GPR158: variants seen among roughly 807,000 people sequenced by gnomAD.
GPR158 encodes the protein metabotropic glycine receptor.
In GPR158, 30 loss-of-function variants were observed where a neutral mutation model predicts 78.2. The ratio of observed to expected loss-of-function variants is 0.38; its 90% CI spans 0.29 to 0.52. GPR158 has a LOEUF of 0.52. GPR158 is among the 20% of genes least tolerant of loss of function. The pLI, the probability that GPR158 is intolerant of heterozygous loss-of-function variation, is 0.83. For synonymous variants in GPR158, 581 were observed against 591.1 expected (o/e 0.98, Z 0.25); for missense variants, 1,463 against 1,523.5 (o/e 0.96, Z 0.66).
intron 4 of GPR158, among the ~76,000 whole-genome samples, chr10:25,446,574 C>A (rs1835141021): frequency 1.3e-5 from 2 of 152,134 alleles, no homozygotes; most frequent in Admixed American, 6.5e-5. Context: ...TTCAGAACTT[C>A]TTGTATTTTA....
Position 25,599,149 on chromosome 10 carries a change from G to T in GPR158, c.3523G>T (p.Glu1175Ter). The T allele has an allele frequency of 1.2e-6, 2 of 1,611,044 alleles. No homozygotes were observed. The highest frequency in any genetic ancestry group is 8.5e-7 in the Non-Finnish European group (1 of 1,179,974). Residue 1175 changes from glutamate to a stop codon, truncating the protein, a stop_gained, in exon 11 of 11, where the codon GAG becomes TAG. Coordinates refer to ENST00000376351, the MANE Select transcript of GPR158 (RefSeq NM_020752.3). LOFTEE classifies it high-confidence loss of function. ...LTSRAEVCPW[E>*]FETPAQPNAG... ...ATCACGAGCAGAGGTTTGTCCTTGG[G>T]AGTTTGAGACCCCAGCTCAACCAAA...
At chr10:25,381,384 T>G (rs1054133939) in intron 2 of GPR158, among the ~76,000 whole-genome samples, 2 of 152,154 alleles carry the variant, frequency 1.3e-5, no homozygotes, top group African/African-American at 4.8e-5. Flanking sequence ...TCAAGATGTT[T>G]GGGTAGTAAC....
intron 2 of GPR158, among the ~76,000 whole-genome samples, chr10:25,233,668 C>A (rs935463428): frequency 6.6e-6 from 1 of 152,170 alleles, no homozygotes; most frequent in African/African-American, 2.4e-5. Flanking sequence ...TCCTGGGACC[C>A]CTGGGGGTCC....
intron 5 of GPR158, among the ~76,000 whole-genome samples, chr10:25,487,807 C>T (rs1459702256): frequency 1.3e-5 from 2 of 152,078 alleles, no homozygotes; most frequent in Non-Finnish European, 2.9e-5. Flanking sequence ...TTTCTTCTGA[C>T]ACCTATGTAC....
intron 5 of GPR158, among the ~76,000 whole-genome samples, chr10:25,539,521 AT>A (rs35477926): frequency 0.013 from 1,887 of 141,390 alleles, 49 homozygotes; most frequent in African/African-American, 0.042. Flanking sequence ...ACCCCTTTTA[AT>A]TTTTTTTTTT....
intron 7 of GPR158, among the ~76,000 whole-genome samples, chr10:25,588,477 G>C (rs1418776284): frequency 6.6e-6 from 1 of 152,166 alleles, no homozygotes; most frequent in East Asian, 1.9e-4. Flanking sequence ...ACAAAACAAG[G>C]TTTTATTTAT....
intron 1 of GPR158, among the ~76,000 whole-genome samples, chr10:25,185,634 T>A (rs890511914): frequency 6.6e-6 from 1 of 152,114 alleles, no homozygotes; most frequent in Non-Finnish European, 1.5e-5. Flanking sequence ...CTATCCTGGC[T>A]AACAGGGTGA....
In GPR158 at chr10:25,572,684, G is replaced by A. The variant is rs1391900493; in HGVS notation, c.1550G>A (p.Arg517Gln). ...LKVFLSRTAQ[R>Q]IPYMTGGRVM... ...GTGTTTCTTTCACGAACGGCTCAAC[G>A]AATTCCATATATGACTGGCGGACGG... is the stretch of plus-strand genomic sequence containing the variant. Residue 517 changes from arginine (R) to glutamine (Q), a missense_variant, in exon 7 of 11, where the codon CGA (arginine) becomes CAA (glutamine). Coordinates refer to ENST00000376351, the MANE Select transcript of GPR158 (RefSeq NM_020752.3). 32 of 1,613,800 alleles carry A rather than the reference G, an allele frequency of 2.0e-5. No individual in the cohort carries two copies. Among genetic ancestry groups the A allele is most frequent in the Middle Eastern group, 1.6e-4 (1 of 6,084 alleles).
chr10:25,433,148 C>T (rs1380919572), intron 4 of GPR158, among the ~76,000 whole-genome samples: 3 of 152,184 alleles, frequency 2.0e-5, no homozygotes, highest in African/African-American at 7.2e-5. Context: ...GATTTATACT[C>T]AGGTCTGTTT....
At chr10:25,357,616 G>C (rs1242264074) in intron 2 of GPR158, among the ~76,000 whole-genome samples, 3 of 152,118 alleles carry the variant, frequency 2.0e-5, no homozygotes, top group Non-Finnish European at 4.4e-5. Context: ...ACGTGGTGTT[G>C]AGACTGTGGT....
At chr10:25,383,023 G>C (rs921991988) in intron 2 of GPR158, among the ~76,000 whole-genome samples, 1 of 151,926 alleles carries the variant, frequency 6.6e-6, no homozygotes, top group Non-Finnish European at 1.5e-5. Flanking sequence ...TTTTAGTAGA[G>C]ATGGGCTTTC....
chr10:25,187,414 C>T (rs1588724585), intron 1 of GPR158, among the ~76,000 whole-genome samples: 1 of 152,242 alleles, frequency 6.6e-6, no homozygotes, highest in East Asian at 1.9e-4. Flanking sequence ...TCCAGCAGCA[C>T]ATCAAAAAGC....
At chr10:25,243,259 T>C (rs1376883529) in intron 2 of GPR158, among the ~76,000 whole-genome samples, 1 of 152,188 alleles carries the variant, frequency 6.6e-6, no homozygotes, top group African/African-American at 2.4e-5. Context: ...TAAATTTACC[T>C]GTTTTTCAAA....
Position 25,428,671 on chromosome 10 carries a change from A to G in GPR158, c.1335+16198A>G, listed in dbSNP as rs143997402. Among the ~76,000 whole-genome samples the G allele has an allele frequency of 3.9e-5, 6 of 152,208 alleles. No homozygotes were observed. In the East Asian group the frequency reaches 1.2e-3, roughly 29 times the overall value. On this transcript the variant is annotated intron_variant, in intron 4 of 10. Transcript: ENST00000376351. ...GACAGATTGAAGGGATTTCCGGACC[A>G]TTTCAAGAGTTACCAAAGGAGAATG... is the stretch of plus-strand genomic sequence containing the variant.
chr10:25,442,105 A>G (rs960536782), intron 4 of GPR158, among the ~76,000 whole-genome samples: 5 of 152,224 alleles, frequency 3.3e-5, no homozygotes, highest in Admixed American at 1.3e-4. Context: ...TCTAAAAGAA[A>G]TCAAATGTGA....
Position 25,289,700 on chromosome 10 carries a change from G to A in GPR158, c.1008+68543G>A, listed in dbSNP as rs944260162. On this transcript the variant is annotated intron_variant, in intron 2 of 10. Transcript: ENST00000376351. ...CTCCCAAAGTGCTGAAATTACAGGT[G>A]TGAGCCACCGCGCCCAGCCGAACAT... is the stretch of plus-strand genomic sequence containing the variant. Among the ~76,000 whole-genome samples the A allele has an allele frequency of 3.3e-5, 5 of 152,110 alleles. No individual in the cohort carries two copies. The South Asian group carries it at 8.3e-4, about 25-fold the overall frequency.
At chr10:25,216,932 T>C (rs1853224566) in intron 1 of GPR158, among the ~76,000 whole-genome samples, 1 of 152,196 alleles carries the variant, frequency 6.6e-6, no homozygotes, top group African/African-American at 2.4e-5. Flanking sequence ...AGGAGGGCCC[T>C]GATTATGTCA....
chr10:25,372,411 A>T (rs1325605394), intron 2 of GPR158, among the ~76,000 whole-genome samples: 1 of 149,198 alleles, frequency 6.7e-6, no homozygotes, highest in South Asian at 2.1e-4. Flanking sequence ...ATGCACACAT[A>T]TGTTTATTGC....
At chr10:25,345,313 C>G (rs570095903) in intron 2 of GPR158, among the ~76,000 whole-genome samples, 10 of 152,010 alleles carry the variant, frequency 6.6e-5, no homozygotes, top group Non-Finnish European at 1.5e-4. Context: ...TGGCAAGGCT[C>G]TTGACAAGAT....
Sources: gnomAD v4.1 joint callset for allele counts (sites outside exome capture counted in the v4.1 genomes callset) on GRCh38, gnomAD v4.1.1 for gene constraint, MANE v1.5 for transcripts, NCBI Gene and HGNC (gene_info 2026-07-23, HGNC 2026-07-21) for gene names.